The following RPS6KA2 variants were observed in gnomAD, a reference collection of about 807,000 sequenced individuals.
RPS6KA2 encodes ribosomal protein S6 kinase alpha-2.
A neutral mutation model predicts 91.8 loss-of-function variants in RPS6KA2; 42 were observed. The observed-to-expected ratio is 0.46, with a 90% confidence interval of 0.36 to 0.59. RPS6KA2 has a LOEUF of 0.59. Among genes scored for constraint, RPS6KA2 ranks in the 20% least tolerant of loss-of-function variants. The probability of loss-of-function intolerance (pLI) is 0.00; values close to 1 mark genes in which losing one functional copy is unlikely to be tolerated. For missense variants in RPS6KA2, 798 were observed against 978.5 expected, an observed-to-expected ratio of 0.82 and a Z score of 2.46; for synonymous variants, 414 against 393.6, an observed-to-expected ratio of 1.05 and a Z score of -0.61.
chr6:166,548,095 T>C (rs942539600), intron 1 of RPS6KA2, among the ~76,000 whole-genome samples: 1 of 152,250 alleles, frequency 6.6e-6, no homozygotes, highest in African/African-American at 2.4e-5. Context: ...TTCAGAGTGA[T>C]TGCGCTTTTT....
chr6:166,697,433 A>G (rs1249797592), intron 2 of RPS6KA2, among the ~76,000 whole-genome samples: 1 of 152,204 alleles, frequency 6.6e-6, no homozygotes, highest in Non-Finnish European at 1.5e-5. Context: ...CTAGGTTCAG[A>G]TCAATGGTAT....
intron 2 of RPS6KA2, among the ~76,000 whole-genome samples, chr6:166,751,518 G>A (rs1468625759): frequency 2.0e-5 from 3 of 152,228 alleles, no homozygotes; most frequent in African/African-American, 7.2e-5. Flanking sequence ...GCCAGCCCAA[G>A]GCAGATAACA....
In RPS6KA2 at chr6:166,832,200, A is replaced by C. The variant is rs1260677828; in HGVS notation, c.123+26000T>G. Among the ~76,000 whole-genome samples the C allele has an allele frequency of 2.6e-5, 4 of 152,282 alleles. No individual in the cohort carries two copies. In the East Asian group the frequency reaches 7.7e-4, roughly 29 times the overall value. On this transcript the variant is annotated intron_variant, in intron 2 of 21. Transcript: ENST00000503859. ...ACCTGGGAGTATTTTTAATGAAGTA[A>C]ACAGGAAGAAAGTGGCTGATGGTGT...
chr6:166,423,410 T>A lies in RPS6KA2; in HGVS notation c.1589A>T (p.His530Leu). The change falls in exon 17 of 21, where the codon CAT becomes CTT. Residue 530 changes from histidine to leucine, a missense_variant. Coordinates refer to ENST00000265678, the MANE Select transcript of RPS6KA2 (RefSeq NM_021135.6). This position sits in a 1 kb window ranked among gnomAD's most constrained non-coding sequence, Gnocchi z 4.8. ...GATGTTACTCGGCTTCAGGTCTCGA[T>A]GAACAACCTGCAAGACAGAAGGCAC... ...MDYLHSQGVV[H>L]RDLKPSNILY... is the part of the protein sequence containing the mutation. The A allele has an allele frequency of 6.2e-7, 1 of 1,608,614 alleles. No individual in the cohort carries two copies. The highest frequency in any genetic ancestry group is 8.5e-7 in the Non-Finnish European group (1 of 1,175,528).
intron 2 of RPS6KA2, among the ~76,000 whole-genome samples, chr6:166,535,130 C>T (rs1562563420): frequency 6.6e-6 from 1 of 152,158 alleles, no homozygotes; most frequent in Non-Finnish European, 1.5e-5. Flanking sequence ...GTGTGTGCCC[C>T]CTCATTTCAT....
rs1308886813 is a variant in RPS6KA2, at chr6:166,435,253, T to C, written c.1333-2763A>G. ...ATTCTGACTTACAATGATAAGTATTTGTAAACAGTTTTCAAAGACAGATTA... is the reference window on the plus strand; with the variant it reads ...ATTCTGACTTACAATGATAAGTATTCGTAAACAGTTTTCAAAGACAGATTA... On this transcript the variant is annotated intron_variant, in intron 14 of 20. Transcript: ENST00000265678. This position sits in a 1 kb window ranked among gnomAD's most constrained non-coding sequence, Gnocchi z 4.3. 6.6e-6 allele frequency among the ~76,000 whole-genome samples: 1 copy of C among 152,212 alleles called. No individual in the cohort carries two copies. The highest frequency in any genetic ancestry group is 1.5e-5 in the Non-Finnish European group (1 of 68,038).
At position 166,829,435 on chromosome 6, in the gene RPS6KA2, C is replaced by CA. The variant is rs538263904; in HGVS notation, c.123+28764dup. ...AGAAACCCCGTCTCTACTAAATATA[C>CA]AAAAAATTAGCCGGGTATGGTGGCG... On this transcript the variant is annotated intron_variant, in intron 2 of 21. Coordinates refer to the RPS6KA2 transcript ENST00000503859. 1.6e-4 allele frequency among the ~76,000 whole-genome samples: 25 copies of CA among 151,770 alleles called. No individual in the cohort carries two copies. In the South Asian group the frequency reaches 4.8e-3, roughly 29 times the overall value.
At chr6:166,857,768 C>T (rs1780944054) in intron 2 of RPS6KA2, among the ~76,000 whole-genome samples, 1 of 152,192 alleles carries the variant, frequency 6.6e-6, no homozygotes, top group Admixed American at 6.5e-5. Flanking sequence ...CGGATGGAAT[C>T]CGCTCTTCTC....
rs573536566 is a variant in RPS6KA2 at position 166,737,664 on chromosome 6, G to A, written c.123+120536C>T. 2.6e-5 allele frequency among the ~76,000 whole-genome samples: 4 copies of A among 152,174 alleles called. No individual in the cohort carries two copies. Among genetic ancestry groups the A allele is most frequent in the African/African-American group, 9.6e-5 (4 of 41,526 alleles). On this transcript the variant is annotated intron_variant, in intron 2 of 21. Coordinates refer to the RPS6KA2 transcript ENST00000503859. The surrounding 1 kb of genome is among the most constrained non-coding windows in gnomAD (Gnocchi z 4.3). ...GCCCCTCCCAGCTTTCCAGGCTAAC[G>A]TCCGGATAATCCCCCCAGGTACCTG...
intron 1 of RPS6KA2, among the ~76,000 whole-genome samples, chr6:166,568,459 CA>C (rs3837030): frequency 0.14 from 21,103 of 151,268 alleles, 1,617 homozygotes; most frequent in South Asian, 0.22. Flanking sequence ...ACTAAAGATA[CA>C]AAAAAAATTA....
chr6:166,601,899 TAA>T (rs1785744057), intron 1 of RPS6KA2, among the ~76,000 whole-genome samples: 3 of 152,302 alleles, frequency 2.0e-5, no homozygotes, highest in Admixed American at 2.0e-4. Context: ...TTCAGCTGCA[TAA>T]AAATTTAAAA....
At position 166,437,271 on chromosome 6, in the gene RPS6KA2, C is replaced by T. The variant is rs192680996; in HGVS notation, c.1333-4781G>A. On this transcript the variant is annotated intron_variant, in intron 14 of 20. Transcript: ENST00000265678. The surrounding 1 kb of genome is among the most constrained non-coding windows in gnomAD (Gnocchi z 4.3). ...ATGGGGTCGGTTTCTTGGGGTTGAC[C>T]GTGTTGGTCTTACTCTTATTAGAGC... Among the ~76,000 whole-genome samples the T allele has an allele frequency of 1.1e-3, 174 of 152,222 alleles. No homozygotes were observed. Among genetic ancestry groups the T allele is most frequent in the African/African-American group, 3.9e-3 (161 of 41,522 alleles).
intron 2 of RPS6KA2, among the ~76,000 whole-genome samples, chr6:166,652,889 C>T (rs547152719): frequency 3.0e-4 from 46 of 152,290 alleles, no homozygotes; most frequent in Admixed American, 9.1e-4. Flanking sequence ...GCAACTCAGC[C>T]GCCTGTCTCC....
chr6:166,680,231 C>T (rs1388543696), intron 2 of RPS6KA2, among the ~76,000 whole-genome samples: 2 of 152,220 alleles, frequency 1.3e-5, no homozygotes, highest in African/African-American at 2.4e-5. Flanking sequence ...TGTAAACACA[C>T]CAATCAGCAC....
intron 2 of RPS6KA2, among the ~76,000 whole-genome samples, chr6:166,824,831 G>C (rs531076229): frequency 4.0e-5 from 6 of 149,390 alleles, no homozygotes; most frequent in African/African-American, 1.2e-4. Context: ...GTGTCTGTGT[G>C]TGTGTGTATG....
intron 2 of RPS6KA2, among the ~76,000 whole-genome samples, chr6:166,838,614 A>G (rs757349702): frequency 2.4e-4 from 37 of 152,240 alleles, no homozygotes; most frequent in Non-Finnish European, 4.4e-4. Flanking sequence ...AGTAAATGTT[A>G]CATTGTATTA....
chr6:166,652,263 C>T (rs1455946731), intron 2 of RPS6KA2, among the ~76,000 whole-genome samples: 1 of 152,228 alleles, frequency 6.6e-6, no homozygotes, highest in Non-Finnish European at 1.5e-5. Flanking sequence ...ACTCGCTTCA[C>T]TGTGCATTTT....
At chr6:166,615,957 C>T (rs1252564993) in intron 1 of RPS6KA2, among the ~76,000 whole-genome samples, 1 of 152,196 alleles carries the variant, frequency 6.6e-6, no homozygotes, top group African/African-American at 2.4e-5. Flanking sequence ...CATTCTCATT[C>T]AATGGAATTC....
rs559227196 is a variant in RPS6KA2 at position 166,508,685 on chromosome 6, G to A, written c.380-403C>T. On this transcript the variant is annotated intron_variant, in intron 4 of 20. Coordinates refer to ENST00000265678, the MANE Select transcript of RPS6KA2 (RefSeq NM_021135.6). The surrounding 1 kb of genome is among the most constrained non-coding windows in gnomAD (Gnocchi z 4.3). ...TGGGTTTGGAGGACATGTCCTTTCCGTCCTATGGAAGTGCCTTCTTCTTAC... is the reference window on the plus strand; with the variant it reads ...TGGGTTTGGAGGACATGTCCTTTCCATCCTATGGAAGTGCCTTCTTCTTAC... Among the ~76,000 whole-genome samples, 11 of 152,310 alleles carry A rather than the reference G, an allele frequency of 7.2e-5. No homozygotes were observed. The highest frequency in any genetic ancestry group is 1.4e-4 in the African/African-American group (6 of 41,570).
Sources: gnomAD v4.1 joint callset for allele counts (sites outside exome capture counted in the v4.1 genomes callset) on GRCh38, gnomAD v4.1.1 for gene constraint, Gnocchi (gnomAD v3.1) non-coding constraint, MANE v1.5 for transcripts, NCBI Gene and HGNC (gene_info 2026-07-23, HGNC 2026-07-21) for gene names.